The following TENM4 variants were observed in gnomAD, a reference collection of about 807,000 sequenced individuals.
TENM4 encodes the protein teneurin-4.
Under a neutral mutation model 243.3 loss-of-function variants are expected in TENM4, and 82 were observed. That is an observed-to-expected ratio of 0.34 (90% CI 0.28 to 0.40). The LOEUF is 0.40. Ranked by LOEUF, TENM4 falls within the 10% of genes least tolerant of loss-of-function variation. TENM4 has a pLI of 1.00. For synonymous variants in TENM4, 1,412 were observed against 1,456.3 expected (o/e 0.97, Z 0.69); for missense variants, 3,138 against 3,673.3 (o/e 0.85, Z 3.77).
chr11:79,140,711 C>T (rs1048374829), intron 4 of TENM4, among the ~76,000 whole-genome samples: 1 of 151,992 alleles, frequency 6.6e-6, no homozygotes, highest in Admixed American at 6.6e-5. Context: ...AGAATAGAAG[C>T]CTTCGTTGTC....
rs559461424 is a variant in TENM4 at position 79,328,703 on chromosome 11, G to A, written c.-320-31160C>T. On this transcript the variant is annotated intron_variant, in intron 1 of 33. Coordinates refer to ENST00000278550, the MANE Select transcript of TENM4 (RefSeq NM_001098816.3). ...GGGGATCATCTTCTACAACGTGCCC[G>A]CTTCTGTTCTGAGTTGGAGAACTGA... Among the ~76,000 whole-genome samples the A allele has an allele frequency of 9.9e-5, 15 of 152,240 alleles. No individual in the cohort carries two copies. In the South Asian group the frequency reaches 1.9e-3, roughly 19 times the overall value.
At chr11:79,189,284 G>T (rs995401849) in intron 3 of TENM4, among the ~76,000 whole-genome samples, 56 of 152,102 alleles carry the variant, frequency 3.7e-4, no homozygotes, top group South Asian at 1.2e-3. Flanking sequence ...TAGGTATTTG[G>T]CAAATACAAG....
At chr11:78,912,100 G>A (rs560043621) in intron 6 of TENM4, among the ~76,000 whole-genome samples, 1 of 152,322 alleles carries the variant, frequency 6.6e-6, no homozygotes, top group Admixed American at 6.5e-5. Flanking sequence ...AGGCCCACAG[G>A]CTGAAAGATA....
At chr11:78,956,602 C>G (rs1857211219) in intron 6 of TENM4, among the ~76,000 whole-genome samples, 1 of 152,214 alleles carries the variant, frequency 6.6e-6, no homozygotes, top group South Asian at 2.1e-4. Flanking sequence ...TTCAAGTTAT[C>G]TAGTTATCTC....
chr11:79,381,226 A>G (rs937489279), intron 1 of TENM4, among the ~76,000 whole-genome samples: 7 of 152,010 alleles, frequency 4.6e-5, no homozygotes, highest in East Asian at 1.9e-4. Flanking sequence ...CAAGTGGTCA[A>G]TCAAGGGTAG....
intron 1 of TENM4, among the ~76,000 whole-genome samples, chr11:79,326,484 C>T (rs1191591250): frequency 5.9e-5 from 9 of 152,202 alleles, no homozygotes; most frequent in Non-Finnish European, 8.8e-5. Context: ...ACCTCCCCCT[C>T]GCCTAAAGAC....
At chr11:78,958,963 C>T (rs1857262618) in intron 6 of TENM4, among the ~76,000 whole-genome samples, 1 of 152,170 alleles carries the variant, frequency 6.6e-6, no homozygotes, top group Admixed American at 6.5e-5. Context: ...TTTTTAAATA[C>T]CACAACAACC....
intron 4 of TENM4, 95 bp from the exon 5 acceptor site, chr11:79,070,104 G>C (rs2137002776): frequency 7.1e-7 from 1 of 1,399,570 alleles, no homozygotes; most frequent in East Asian, 2.5e-5. Context: ...CCTGTGGACA[G>C]AGAACCCCAG....
In TENM4 at chr11:78,986,576, G is replaced by T. The variant is rs1021480114; in HGVS notation, c.493+78162C>A. Reference sequence around the variant, plus strand: ...GCCAGTTTGGTTTTTGTTGTTGTTTGTTTTTTGAGACAGAGTCTCGCTCTG... The same window carrying T: ...GCCAGTTTGGTTTTTGTTGTTGTTTTTTTTTTGAGACAGAGTCTCGCTCTG... On this transcript the variant is annotated intron_variant, in intron 6 of 33. Transcript: ENST00000278550. 3.3e-5 allele frequency among the ~76,000 whole-genome samples: 5 copies of T among 152,088 alleles called. No homozygotes were observed. In the East Asian group the frequency reaches 9.7e-4, roughly 29 times the overall value.
At chr11:79,081,429 A>C (rs1345755969) in intron 4 of TENM4, among the ~76,000 whole-genome samples, 1 of 152,182 alleles carries the variant, frequency 6.6e-6, no homozygotes, top group Non-Finnish European at 1.5e-5. Flanking sequence ...CATACCTGAC[A>C]CTGATGCTAA....
At chr11:78,730,740 A>G (rs1373989072) in intron 21 of TENM4, among the ~76,000 whole-genome samples, 1 of 152,210 alleles carries the variant, frequency 6.6e-6, no homozygotes, top group Non-Finnish European at 1.5e-5. Context: ...ATTCTACCCT[A>G]CGTTTACAGT....
intron 12 of TENM4, among the ~76,000 whole-genome samples, chr11:78,853,139 C>T (rs745412519): frequency 1.3e-5 from 2 of 152,148 alleles, no homozygotes; most frequent in African/African-American, 4.8e-5. Context: ...CAGGTGAACT[C>T]CAGACCACAT....
intron 2 of TENM4, among the ~76,000 whole-genome samples, chr11:79,291,635 G>A (rs965263047): frequency 6.6e-6 from 1 of 152,180 alleles, no homozygotes; most frequent in African/African-American, 2.4e-5. Context: ...AGCCATTGCT[G>A]GGCCGAGGGG....
chr11:78,694,606 C>T (rs1226408928), intron 28 of TENM4, among the ~76,000 whole-genome samples: 1 of 152,210 alleles, frequency 6.6e-6, no homozygotes, highest in Non-Finnish European at 1.5e-5. Context: ...GGCTTGGCGA[C>T]TCATGGCTAA....
Position 78,836,462 on chromosome 11 carries a change from C to G in TENM4, c.1681+17642G>C, listed in dbSNP as rs149176686. ...GGGACAATAATCTTACCATCCTATT[C>G]AGTAGGTTGTGTGGATCAAAAAGGA... On this transcript the variant is annotated intron_variant, in intron 12 of 33. Transcript: ENST00000278550. Among the ~76,000 whole-genome samples the G allele has an allele frequency of 2.1e-3, 319 of 152,236 alleles. 1 individual carries two copies. The highest frequency in any genetic ancestry group is 0.017 in the Middle Eastern group (5 of 294).
chr11:79,257,709 A>C (rs1259955340), intron 2 of TENM4, among the ~76,000 whole-genome samples: 2 of 152,226 alleles, frequency 1.3e-5, no homozygotes, highest in East Asian at 3.9e-4. Flanking sequence ...AGGAATACAC[A>C]GGCTATCAGA....
At chr11:79,108,688 T>A (rs1861432369) in intron 4 of TENM4, among the ~76,000 whole-genome samples, 1 of 152,192 alleles carries the variant, frequency 6.6e-6, no homozygotes, top group East Asian at 1.9e-4. Flanking sequence ...ATTCAGGTAG[T>A]ATTAACATTT....
At chr11:79,380,694 G>A (rs1055774061) in intron 1 of TENM4, among the ~76,000 whole-genome samples, 1 of 152,144 alleles carries the variant, frequency 6.6e-6, no homozygotes, top group South Asian at 2.1e-4. Flanking sequence ...ATCACAGAAC[G>A]CTTTTGTAGC....
chr11:79,063,890 CA>C (rs377411199), intron 6 of TENM4, among the ~76,000 whole-genome samples: 59 of 152,280 alleles, frequency 3.9e-4, no homozygotes, highest in Middle Eastern at 3.4e-3. Flanking sequence ...GTCCTGGGAT[CA>C]GGGGGAAGCT....
Sources: allele counts gnomAD v4.1 joint callset (sites outside exome capture counted in the v4.1 genomes callset), GRCh38; gene constraint gnomAD v4.1.1; transcripts MANE v1.5; gene names NCBI Gene and HGNC (gene_info 2026-07-23, HGNC 2026-07-21).